The following HPSE2 variants were observed in gnomAD, a reference collection of about 807,000 sequenced individuals.
HPSE2 encodes the protein inactive heparanase-2.
HPSE2 carries 38 observed loss-of-function variants against 60.5 expected under a neutral mutation model. The observed-to-expected ratio is 0.63, with a 90% confidence interval of 0.48 to 0.82. HPSE2 has a LOEUF of 0.82. HPSE2 is among the 40% of genes least tolerant of loss of function. The pLI is 0.00. For synonymous variants in HPSE2, 295 were observed against 293.2 expected (o/e 1.01, Z -0.06); for missense variants, 713 against 740.4 (o/e 0.96, Z 0.43).
chr10:98,753,432 A>C (rs556452210), intron 3 of HPSE2, among the ~76,000 whole-genome samples: 1 of 152,358 alleles, frequency 6.6e-6, no homozygotes, highest in South Asian at 2.1e-4. Context: ...GGGGACTCAA[A>C]AGGATACTTG....
At chr10:98,934,433 T>C (rs933009703) in intron 3 of HPSE2, among the ~76,000 whole-genome samples, 2 of 144,736 alleles carry the variant, frequency 1.4e-5, no homozygotes, top group African/African-American at 5.6e-5. Context: ...TTATCCATGT[T>C]TAGTGCTTCT....
chr10:98,485,566 G>A lies in HPSE2; in HGVS notation c.1467-2784C>T, dbSNP rs144706629. Among the ~76,000 whole-genome samples the A allele has an allele frequency of 1.1e-4, 16 of 152,156 alleles. 1 individual carries two copies. In the East Asian group the frequency reaches 3.1e-3, roughly 30 times the overall value. The stretch of plus-strand genomic sequence containing the variant: ...AGACTTATGTCCCCAGAACTCTGAA[G>A]AAGGATGCTGGCAGCCTGAATCAGT... On this transcript the variant is annotated intron_variant, in intron 10 of 11. Coordinates refer to ENST00000370552, the MANE Select transcript of HPSE2 (RefSeq NM_021828.5).
At chr10:98,791,308 A>G (rs143537486) in intron 3 of HPSE2, among the ~76,000 whole-genome samples, 96 of 152,298 alleles carry the variant, frequency 6.3e-4, no homozygotes, top group Middle Eastern at 3.4e-3. Flanking sequence ...CCTTAACAAA[A>G]GGCTGTTAGA....
chr10:98,918,721 C>T (rs1036618292), intron 3 of HPSE2, among the ~76,000 whole-genome samples: 3 of 144,594 alleles, frequency 2.1e-5, no homozygotes, highest in Non-Finnish European at 3.0e-5. Context: ...GGAGATATAC[C>T]TAATGCTAAA....
intron 3 of HPSE2, among the ~76,000 whole-genome samples, chr10:98,901,794 G>A (rs891132589): frequency 2.6e-5 from 4 of 152,138 alleles, no homozygotes; most frequent in African/African-American, 7.2e-5. Context: ...CTTAACCTTT[G>A]TAGGCCTATG....
Position 98,791,714 on chromosome 10 carries a change from T to A in HPSE2, c.611-47658A>T, listed in dbSNP as rs183102691. The stretch of plus-strand genomic sequence containing the variant: ...CTTATTTCTTTTCAAAATAATTTCA[T>A]ACCTTTTTCTTATATTGTCTACTGA... On this transcript the variant is annotated intron_variant, in intron 3 of 11. Coordinates refer to ENST00000370552, the MANE Select transcript of HPSE2 (RefSeq NM_021828.5). Among the ~76,000 whole-genome samples the A allele has an allele frequency of 1.2e-4, 19 of 152,328 alleles. 1 individual carries two copies. In the East Asian group the frequency reaches 3.7e-3, roughly 29 times the overall value.
chr10:99,161,311 G>T (rs1846835140), intron 2 of HPSE2, among the ~76,000 whole-genome samples: 1 of 151,376 alleles, frequency 6.6e-6, no homozygotes, highest in Non-Finnish European at 1.5e-5. Flanking sequence ...CCAGAAACTA[G>T]TAAATGGATA....
chr10:99,274,027 G>A, the HPSE2 span, among the ~76,000 whole-genome samples: 212 of 151,936 alleles, frequency 1.4e-3, no homozygotes, highest in Middle Eastern at 6.8e-3. Flanking sequence ...ATTTGTATAA[G>A]TAAAGAATAG....
At chr10:98,944,287 G>A (rs945327999) in intron 3 of HPSE2, among the ~76,000 whole-genome samples, 1 of 152,164 alleles carries the variant, frequency 6.6e-6, no homozygotes, top group Admixed American at 6.6e-5. Context: ...AGGCAGGAAA[G>A]AGCTCTGCTG....
At chr10:98,740,461 C>G (rs902397100) in intron 4 of HPSE2, among the ~76,000 whole-genome samples, 1 of 152,122 alleles carries the variant, frequency 6.6e-6, no homozygotes, top group Non-Finnish European at 1.5e-5. Context: ...GTGTGAGCAA[C>G]CATGCCTGGC....
At chr10:98,924,975 G>GCTTTATTCTCC (rs1342702580) in intron 3 of HPSE2, among the ~76,000 whole-genome samples, 17 of 152,290 alleles carry the variant, frequency 1.1e-4, no homozygotes, top group African/African-American at 3.9e-4. Context: ...GCTCAATACA[G>GCTTTATTCTCC]CTTTATTCTC....
intron 3 of HPSE2, among the ~76,000 whole-genome samples, chr10:98,981,756 T>C (rs910774351): frequency 6.6e-6 from 1 of 152,100 alleles, no homozygotes; most frequent in East Asian, 1.9e-4. Context: ...AAACTGGTTT[T>C]CCCTCCTGAA....
chr10:98,925,770 G>C (rs767270003), intron 3 of HPSE2, among the ~76,000 whole-genome samples: 27 of 152,282 alleles, frequency 1.8e-4, no homozygotes, highest in African/African-American at 3.9e-4. Context: ...TGTCTTGCTA[G>C]ATTGGTCCTT....
rs758959466 is a variant in HPSE2, at chr10:98,519,830, C to T, written c.1321-29634G>A. 1.4e-4 allele frequency among the ~76,000 whole-genome samples: 22 copies of T among 152,326 alleles called. 1 individual carries two copies. Among genetic ancestry groups the T allele is most frequent in the Non-Finnish European group, 2.6e-4 (18 of 68,034 alleles). Reference sequence around the variant, plus strand: ...AAAACAAAAGTGAAGGTGGTCTCCACCCAGACCCCTCCAGGAAAGCCTGTG... The same window carrying T: ...AAAACAAAAGTGAAGGTGGTCTCCATCCAGACCCCTCCAGGAAAGCCTGTG... On this transcript the variant is annotated intron_variant, in intron 9 of 11. Coordinates refer to ENST00000370552, the MANE Select transcript of HPSE2 (RefSeq NM_021828.5).
intron 7 of HPSE2, among the ~76,000 whole-genome samples, chr10:98,622,628 T>C (rs1212186957): frequency 6.6e-6 from 1 of 152,230 alleles, no homozygotes; most frequent in Non-Finnish European, 1.5e-5. Context: ...GCAAAGTTAC[T>C]GACCCTTTTC....
chr10:99,204,015 G>C (rs1476490882), intron 2 of HPSE2, among the ~76,000 whole-genome samples: 1 of 152,034 alleles, frequency 6.6e-6, no homozygotes, highest in African/African-American at 2.4e-5. Flanking sequence ...TGTCTCAGTG[G>C]ATCTTATAGA....
intron 3 of HPSE2, among the ~76,000 whole-genome samples, chr10:98,829,586 T>C (rs1018455037): frequency 1.3e-5 from 2 of 152,090 alleles, no homozygotes; most frequent in African/African-American, 4.8e-5. Flanking sequence ...TGCGCAACAA[T>C]GTGAATCTCT....
intron 4 of HPSE2, among the ~76,000 whole-genome samples, chr10:98,723,696 A>C (rs139601491): frequency 0.012 from 1,872 of 152,182 alleles, 28 homozygotes; most frequent in African/African-American, 0.042. Flanking sequence ...GTCTTGGCAG[A>C]GTGTATGTGT....
At chr10:99,094,512 A>T (rs1408019917) in intron 3 of HPSE2, among the ~76,000 whole-genome samples, 4 of 57,602 alleles carry the variant, frequency 6.9e-5, no homozygotes, top group Non-Finnish European at 1.0e-4. Context: ...CTTTTTTATC[A>T]TTCATATATA....
Sources: allele counts gnomAD v4.1 joint callset (sites outside exome capture counted in the v4.1 genomes callset), GRCh38; gene constraint gnomAD v4.1.1; transcripts MANE v1.5; gene names NCBI Gene and HGNC (gene_info 2026-07-23, HGNC 2026-07-21).